TINAG: variants seen among roughly 807,000 people sequenced by gnomAD.
TINAG encodes the protein tubulointerstitial nephritis antigen.
TINAG carries 83 observed loss-of-function variants against 72.7 expected under a neutral mutation model. That is an observed-to-expected ratio of 1.14 (90% CI 0.96 to 1.37). The LOEUF (loss-of-function observed/expected upper bound fraction) is 1.37. Ranked by LOEUF, TINAG falls within the 40% of genes most tolerant of loss-of-function variation. The pLI is 0.00. For missense variants in TINAG, 685 were observed against 576.6 expected, an observed-to-expected ratio of 1.19 and a Z score of -1.93; for synonymous variants, 234 against 189.9, an observed-to-expected ratio of 1.23 and a Z score of -1.91.
chr6:54,387,364 A>C (rs1056139318), intron 10 of TINAG, among the ~76,000 whole-genome samples: 1 of 152,188 alleles, frequency 6.6e-6, no homozygotes, highest in East Asian at 1.9e-4. Context: ...AGAATGGATA[A>C]ACTGTGGTAT....
intron 5 of TINAG, among the ~76,000 whole-genome samples, 190 bp from the exon 6 acceptor site, chr6:54,347,177 A>G (rs765768081): frequency 6.6e-6 from 1 of 152,160 alleles, no homozygotes; most frequent in Non-Finnish European, 1.5e-5. Context: ...AAATAGGACA[A>G]AAATTATAAC....
chr6:54,372,498 T>A (rs939178369), intron 9 of TINAG, among the ~76,000 whole-genome samples: 2 of 151,948 alleles, frequency 1.3e-5, no homozygotes, highest in African/African-American at 4.8e-5. Context: ...AAAGTTTATG[T>A]TTGTGAATTT....
chr6:54,380,392 A>AT (rs1420463118), intron 9 of TINAG, 134 bp from the exon 10 acceptor site: 8 of 621,440 alleles, frequency 1.3e-5, no homozygotes, highest in Non-Finnish European at 2.2e-5. Flanking sequence ...GGCAATGGTG[A>AT]TATTTCCATT....
intron 10 of TINAG, among the ~76,000 whole-genome samples, chr6:54,388,521 A>G (rs1376380702): frequency 6.6e-6 from 1 of 152,152 alleles, no homozygotes; most frequent in Non-Finnish European, 1.5e-5. Context: ...TGAAAGCTCA[A>G]TTCGACACCT....
intron 10 of TINAG, among the ~76,000 whole-genome samples, chr6:54,388,249 G>A (rs1764155685): frequency 2.6e-5 from 4 of 152,058 alleles, no homozygotes; most frequent in African/African-American, 9.7e-5. Flanking sequence ...GTATTTCACT[G>A]GTGCTAGAAC....
intron 4 of TINAG, among the ~76,000 whole-genome samples, chr6:54,339,006 C>A (rs186879664): frequency 6.6e-6 from 1 of 152,210 alleles, no homozygotes; most frequent in East Asian, 1.9e-4. Context: ...CTAAGGAACT[C>A]ATTTAAGGAA....
intron 1 of TINAG, among the ~76,000 whole-genome samples, chr6:54,319,443 G>A (rs151304905): frequency 6.6e-6 from 1 of 152,198 alleles, no homozygotes; most frequent in Non-Finnish European, 1.5e-5. Context: ...CAAGAGAAGG[G>A]TGGTTTCCTT....
intron 9 of TINAG, among the ~76,000 whole-genome samples, chr6:54,370,253 T>C (rs1763563101): frequency 6.6e-6 from 1 of 152,116 alleles, no homozygotes; most frequent in Non-Finnish European, 1.5e-5. Context: ...CTGACAAATA[T>C]GATTTCTTTT....
chr6:54,382,416 G>T (rs1457790934), intron 10 of TINAG, among the ~76,000 whole-genome samples: 2 of 151,994 alleles, frequency 1.3e-5, no homozygotes, highest in Non-Finnish European at 2.9e-5. Context: ...ATGAGCAAAT[G>T]AATAATTTTA....
At chr6:54,379,209 A>C (rs1315438644) in intron 9 of TINAG, among the ~76,000 whole-genome samples, 1 of 152,174 alleles carries the variant, frequency 6.6e-6, no homozygotes, top group East Asian at 1.9e-4. Flanking sequence ...AATTACATGA[A>C]AGTAAGTACA....
intron 9 of TINAG, among the ~76,000 whole-genome samples, chr6:54,373,857 G>A (rs1279123205): frequency 6.6e-6 from 1 of 152,086 alleles, no homozygotes; most frequent in Non-Finnish European, 1.5e-5. Context: ...AAGGGATAAA[G>A]TTTTCCCTTA....
intron 4 of TINAG, among the ~76,000 whole-genome samples, chr6:54,334,195 C>T (rs1012975167): frequency 1.3e-5 from 2 of 152,156 alleles, no homozygotes; most frequent in Admixed American, 1.3e-4. Context: ...GTATTCAAGG[C>T]CTGTTATGAA....
At chr6:54,364,315 T>C (rs919360317) in intron 9 of TINAG, among the ~76,000 whole-genome samples, 2 of 151,312 alleles carry the variant, frequency 1.3e-5, no homozygotes, top group African/African-American at 4.8e-5. Flanking sequence ...ATGGGTGCAA[T>C]AAAAAGTCAG....
At chr6:54,384,787 A>G (rs1160947161) in intron 10 of TINAG, among the ~76,000 whole-genome samples, 1 of 152,188 alleles carries the variant, frequency 6.6e-6, no homozygotes, top group East Asian at 1.9e-4. Context: ...AATAGCAGCT[A>G]AAAATAAGTA....
intron 4 of TINAG, among the ~76,000 whole-genome samples, chr6:54,341,489 G>A (rs901791201): frequency 5.3e-5 from 8 of 152,076 alleles, no homozygotes; most frequent in African/African-American, 1.9e-4. Context: ...CATCAAAATA[G>A]CAGCAATGGA....
intron 4 of TINAG, among the ~76,000 whole-genome samples, chr6:54,330,472 T>C (rs1354397388): frequency 6.6e-6 from 1 of 152,102 alleles, no homozygotes; most frequent in Non-Finnish European, 1.5e-5. Flanking sequence ...AGAGGGAAAT[T>C]TATAGCATGT....
At chr6:54,355,444 C>A (rs1031924343) in intron 9 of TINAG, among the ~76,000 whole-genome samples, 1 of 151,878 alleles carries the variant, frequency 6.6e-6, no homozygotes, top group African/African-American at 2.4e-5. Flanking sequence ...GTTGTCTTCT[C>A]CTTACTGATC....
chr6:54,368,312 A>C (rs1763497595), intron 9 of TINAG, among the ~76,000 whole-genome samples: 1 of 147,750 alleles, frequency 6.8e-6, no homozygotes, highest in African/African-American at 2.4e-5. Context: ...TATTAAAGTA[A>C]TTATTAAGTA....
At chr6:54,320,164 C>T (rs566402907) in intron 1 of TINAG, among the ~76,000 whole-genome samples, 10 of 152,214 alleles carry the variant, frequency 6.6e-5, no homozygotes, top group African/African-American at 2.4e-4. Context: ...TCCAAAGCTA[C>T]TTGCTTCAGT....
Sources: allele counts gnomAD v4.1 joint callset (sites outside exome capture counted in the v4.1 genomes callset), GRCh38; gene constraint gnomAD v4.1.1; transcripts MANE v1.5; gene names NCBI Gene and HGNC (gene_info 2026-07-23, HGNC 2026-07-21).